TMEM132D: variants seen among roughly 807,000 people sequenced by gnomAD.
TMEM132D encodes the protein mature OL transmembrane protein.
A neutral mutation model predicts 62.3 loss-of-function variants in TMEM132D; 21 were observed. The observed-to-expected ratio is 0.34, with a 90% CI of 0.24 to 0.49. The LOEUF (loss-of-function observed/expected upper bound fraction) is 0.49, where lower values mean the gene tolerates loss of function less well. Among genes scored for constraint, TMEM132D ranks in the 20% least tolerant of loss-of-function variants. The probability of loss-of-function intolerance (pLI) is 0.99; values close to 1 mark genes in which losing one functional copy is unlikely to be tolerated. For synonymous variants in TMEM132D, 621 were observed against 575.6 expected (o/e 1.08, Z -1.13); for missense variants, 1,346 against 1,402.8 (o/e 0.96, Z 0.65).
At position 129,901,841 on chromosome 12, in the gene TMEM132D, A is replaced by C. The variant is rs185147485; in HGVS notation, c.79+1420T>G. On this transcript the variant is annotated intron_variant, in intron 1 of 8. Coordinates refer to ENST00000422113, the MANE Select transcript of TMEM132D (RefSeq NM_133448.3). ...AAACACAAAGAAGTCTGGACCTATT[A>C]TAAAACCAAGTGAGAACCAACCCCC... Among the ~76,000 whole-genome samples, 282 of 151,292 alleles carry C rather than the reference A, an allele frequency of 1.9e-3. 1 individual carries two copies. Among genetic ancestry groups the C allele is most frequent in the African/African-American group, 6.8e-3 (279 of 40,958 alleles).
intron 2 of TMEM132D, among the ~76,000 whole-genome samples, chr12:129,600,433 A>G (rs942703558): frequency 6.6e-6 from 1 of 152,160 alleles, no homozygotes; most frequent in African/African-American, 2.4e-5. Flanking sequence ...ACTCCTGTTC[A>G]TGTTGACATT....
chr12:129,752,177 A>C (rs2137268140), intron 1 of TMEM132D, among the ~76,000 whole-genome samples: 1 of 152,312 alleles, frequency 6.6e-6, no homozygotes, highest in African/African-American at 2.4e-5. Context: ...GAAATACCAA[A>C]AAGGTGTGAA....
intron 1 of TMEM132D, among the ~76,000 whole-genome samples, chr12:129,824,274 G>A (rs1464529244): frequency 1.3e-5 from 2 of 152,122 alleles, no homozygotes; most frequent in Non-Finnish European, 2.9e-5. Context: ...CTACATAGCA[G>A]GCTCCATCAT....
intron 3 of TMEM132D, among the ~76,000 whole-genome samples, chr12:129,491,608 G>A (rs190275826): frequency 1.3e-5 from 2 of 152,306 alleles, no homozygotes; most frequent in South Asian, 2.1e-4. Context: ...CATTTGAAGA[G>A]GAGATACCAT....
At chr12:129,669,254 T>C (rs1238003361) in intron 2 of TMEM132D, among the ~76,000 whole-genome samples, 2 of 152,196 alleles carry the variant, frequency 1.3e-5, no homozygotes, top group African/African-American at 2.4e-5. Flanking sequence ...TTAATAAAAA[T>C]GGGGACTGGA....
At chr12:129,295,428 T>C (rs975288668) in intron 4 of TMEM132D, among the ~76,000 whole-genome samples, 2 of 85,536 alleles carry the variant, frequency 2.3e-5, no homozygotes, top group Non-Finnish European at 4.4e-5. Flanking sequence ...CATATTAGCC[T>C]TTTTTTTTTT....
chr12:129,299,573 T>C (rs1470587040), intron 4 of TMEM132D, among the ~76,000 whole-genome samples: 1 of 151,844 alleles, frequency 6.6e-6, no homozygotes, highest in Non-Finnish European at 1.5e-5. Context: ...TATGTGACAA[T>C]TCATGGGAGA....
rs544552611 is a variant in TMEM132D, at chr12:129,375,466, TG to T, written c.1116-37650del. On this transcript the variant is annotated intron_variant, in intron 3 of 8. Transcript: ENST00000422113. ...TGAATAGAGTTTGACTTAATTGGTC[TG>T]GGGTATGCATTGGGCGTGCCTTGGT... Among the ~76,000 whole-genome samples, 228 of 152,326 alleles carry T rather than the reference TG, an allele frequency of 1.5e-3. 1 individual carries two copies. The highest frequency in any genetic ancestry group is 5.2e-3 in the African/African-American group (218 of 41,578).
intron 2 of TMEM132D, among the ~76,000 whole-genome samples, chr12:129,655,544 G>A (rs1013172591): frequency 6.6e-6 from 1 of 152,020 alleles, no homozygotes; most frequent in Admixed American, 6.5e-5. Context: ...ACCACGCCTG[G>A]TCCCTGAATT....
At chr12:129,295,427 CTTTTTTTTTTT>C (rs556748373) in intron 4 of TMEM132D, among the ~76,000 whole-genome samples, 2 of 123,024 alleles carry the variant, frequency 1.6e-5, no homozygotes, top group Non-Finnish European at 3.3e-5. Context: ...TCATATTAGC[CTTTTTTTTTTT>C]TTTTTTTTTG....
intron 5 of TMEM132D, among the ~76,000 whole-genome samples, chr12:129,153,518 T>C (rs953052456): frequency 6.6e-6 from 1 of 152,166 alleles, no homozygotes; most frequent in African/African-American, 2.4e-5. Flanking sequence ...AGGAGAGCAG[T>C]ACATACTAAT....
At chr12:129,166,325 G>C (rs1418486864) in intron 5 of TMEM132D, among the ~76,000 whole-genome samples, 1 of 152,146 alleles carries the variant, frequency 6.6e-6, no homozygotes, top group African/African-American at 2.4e-5. Flanking sequence ...GGCCACATAT[G>C]TTTCGTCTCC....
intron 4 of TMEM132D, among the ~76,000 whole-genome samples, chr12:129,265,628 C>T (rs1325847668): frequency 6.6e-6 from 1 of 151,994 alleles, no homozygotes; most frequent in Non-Finnish European, 1.5e-5. Flanking sequence ...CTCCTCTTCT[C>T]CCCTCATGTC....
intron 1 of TMEM132D, among the ~76,000 whole-genome samples, chr12:129,730,159 A>T (rs1200353369): frequency 6.6e-6 from 1 of 152,086 alleles, no homozygotes; most frequent in Middle Eastern, 3.2e-3. Flanking sequence ...AAGAAATGTC[A>T]TATTTTTCCC....
chr12:129,781,799 G>A (rs1361397518), intron 1 of TMEM132D, among the ~76,000 whole-genome samples: 6 of 152,206 alleles, frequency 3.9e-5, no homozygotes, highest in South Asian at 2.1e-4. Context: ...GCTGGGAAAT[G>A]TCATCTTTAG....
chr12:129,431,417 A>G (rs998698849), intron 3 of TMEM132D, among the ~76,000 whole-genome samples: 32 of 152,204 alleles, frequency 2.1e-4, no homozygotes, highest in Non-Finnish European at 5.9e-5. Flanking sequence ...ATCTAGGCTG[A>G]GAGCCTGCAC....
intron 5 of TMEM132D, among the ~76,000 whole-genome samples, chr12:129,192,809 A>G (rs2135557197): frequency 6.6e-6 from 1 of 152,264 alleles, no homozygotes; most frequent in African/African-American, 2.4e-5. Context: ...GCCTCGTTTT[A>G]GCACCAAAGG....
chr12:129,612,207 G>T (rs1360983590), intron 2 of TMEM132D, among the ~76,000 whole-genome samples: 1 of 152,200 alleles, frequency 6.6e-6, no homozygotes, highest in East Asian at 1.9e-4. Flanking sequence ...GAGCATGGGG[G>T]TGTCCTTGTT....
intron 2 of TMEM132D, among the ~76,000 whole-genome samples, chr12:129,695,495 C>T (rs535627041): frequency 7.0e-4 from 106 of 152,350 alleles, no homozygotes; most frequent in African/African-American, 2.4e-3. Flanking sequence ...ACTAGGGTAA[C>T]AACGGGATGT....
Sources: gnomAD v4.1 joint callset for allele counts (sites outside exome capture counted in the v4.1 genomes callset) on GRCh38, gnomAD v4.1.1 for gene constraint, MANE v1.5 for transcripts, NCBI Gene and HGNC (gene_info 2026-07-23, HGNC 2026-07-21) for gene names.